Variants in SF3A1 observed in about 807,000 individuals in gnomAD.
SF3A1 encodes the protein SAP 114.
In SF3A1, 13 loss-of-function variants were observed where a neutral mutation model predicts 89.9. The observed-to-expected ratio is 0.14, with a 90% CI of 0.09 to 0.23. The LOEUF (loss-of-function observed/expected upper bound fraction) is 0.23, where lower values mean the gene tolerates loss of function less well. Among genes scored for constraint, SF3A1 ranks in the 10% least tolerant of loss-of-function variants. The probability of loss-of-function intolerance (pLI) is 1.00; values close to 1 mark genes in which losing one functional copy is unlikely to be tolerated. For missense variants in SF3A1, 604 were observed against 1,022.1 expected (o/e 0.59, Z 5.58); for synonymous variants, 405 against 374.4 (o/e 1.08, Z -0.94).
chr22:30,340,752 G>T lies in SF3A1; in HGVS notation c.1132C>A (p.Pro378Thr). The change falls in exon 8 of 16, where the codon CCA (proline) becomes ACA (threonine). Residue 378 changes from proline (P) to threonine (T), a missense_variant. Coordinates refer to ENST00000215793, the MANE Select transcript of SF3A1 (RefSeq NM_005877.6). ...VPPPPETPMP[P>T]PLPPTPDQVI... ...TGGTCTGGAGTTGGGGGCAGAGGTGGAGGCATGGGTGTCTCTGGGGGTGGG... is the reference window on the plus strand; with the variant it reads ...TGGTCTGGAGTTGGGGGCAGAGGTGTAGGCATGGGTGTCTCTGGGGGTGGG... 6.2e-7 allele frequency: 1 copy of T among 1,605,858 alleles called. No individual in the cohort carries two copies. Among genetic ancestry groups the T allele is most frequent in the African/African-American group, 1.3e-5 (1 of 74,350 alleles).
chr22:30,356,126 C>G (rs1931818767), intron 1 of SF3A1, among the ~76,000 whole-genome samples: 1 of 152,166 alleles, frequency 6.6e-6, no homozygotes, highest in Non-Finnish European at 1.5e-5. Context: ...CGGGCTGGCA[C>G]TGTATCATCG....
rs776793273 is a variant in SF3A1, at chr22:30,345,231, G to C, written c.394-41C>G. 3 of 1,583,338 alleles carry C rather than the reference G, an allele frequency of 1.9e-6. No individual in the cohort carries two copies. The East Asian group carries it at 6.8e-5, about 36-fold the overall frequency. On this transcript the variant is annotated intron_variant, in intron 3 of 15. Coordinates refer to ENST00000215793, the MANE Select transcript of SF3A1 (RefSeq NM_005877.6). ...AGTATGAGGCGAGAGGCACAGGGGT[G>C]AACAGGCTCCAGGGGAGGGGAGGGG...
At chr22:30,356,639 C>T (rs1931863476) in intron 1 of SF3A1, 91 bp downstream of exon 1, 13 of 1,036,094 alleles carry the variant, frequency 1.3e-5, no homozygotes, top group Non-Finnish European at 1.7e-5. Context: ...CCCTCCAAGC[C>T]CTTCATAGCG....
intron 2 of SF3A1, among the ~76,000 whole-genome samples, chr22:30,347,305 A>G (rs990161461): frequency 1.2e-4 from 19 of 152,142 alleles, no homozygotes; most frequent in African/African-American, 4.3e-4. Context: ...TTTAAGAAAC[A>G]AACAAACAAA....
intron 2 of SF3A1, among the ~76,000 whole-genome samples, chr22:30,351,158 G>A (rs1931581234): frequency 6.6e-6 from 1 of 152,196 alleles, no homozygotes; most frequent in Admixed American, 6.5e-5. Context: ...AATTACCTGG[G>A]CGTGGTGGCG....
chr22:30,333,488 A>C lies in SF3A1; in HGVS notation c.*1106T>G, dbSNP rs1930975134. The C allele has an allele frequency of 1.3e-5, 2 of 152,228 alleles. No individual in the cohort carries two copies. Among genetic ancestry groups the C allele is most frequent in the African/African-American group, 4.8e-5 (2 of 41,462 alleles). The allele number at this position is 152,228 out of a possible 1,614,324, so 9.4% of individuals were successfully genotyped here. ...AGGCTCTCACCTTCCTCCAACACCC[A>C]CAGCATTGCCTATCTCCCTGTGATA... On this transcript the variant is annotated 3_prime_UTR_variant, in exon 16 of 16. Coordinates refer to ENST00000215793, the MANE Select transcript of SF3A1 (RefSeq NM_005877.6).
At position 30,341,843 on chromosome 22, in the gene SF3A1, C is replaced by T. The variant is rs1158955579; in HGVS notation, c.920G>A (p.Arg307Gln). 1.2e-6 allele frequency: 2 copies of T among 1,613,748 alleles called. No individual in the cohort carries two copies. Among genetic ancestry groups the T allele is most frequent in the Admixed American group, 1.7e-5 (1 of 60,004 alleles). Reference sequence around the variant, plus strand: ...TTCATAGCGCTCCTGAATGAGGATTCGGGCCCCCAGCTCCTCTGGCGTGGT... The same window carrying T: ...TTCATAGCGCTCCTGAATGAGGATTTGGGCCCCCAGCTCCTCTGGCGTGGT... ...PPTTPEELGA[R>Q]ILIQERYEKF... The change falls in exon 7 of 16, where the codon CGA becomes CAA. Residue 307 changes from arginine to glutamine, a missense_variant. Coordinates refer to ENST00000215793, the MANE Select transcript of SF3A1 (RefSeq NM_005877.6).
chr22:30,344,451 T>C (rs1931356316), intron 4 of SF3A1, among the ~76,000 whole-genome samples: 1 of 152,236 alleles, frequency 6.6e-6, no homozygotes, highest in African/African-American at 2.4e-5. Context: ...GTGGTTTAAA[T>C]CTCAGCATAG....
intron 4 of SF3A1, among the ~76,000 whole-genome samples, chr22:30,344,533 G>A (rs140539249): frequency 6.6e-6 from 1 of 152,120 alleles, no homozygotes; most frequent in African/African-American, 2.4e-5. Flanking sequence ...TCAAACATGG[G>A]GGGAAAACAC....
chr22:30,349,447 A>C (rs1931519728), intron 2 of SF3A1, among the ~76,000 whole-genome samples: 1 of 151,908 alleles, frequency 6.6e-6, no homozygotes, highest in South Asian at 2.1e-4. Context: ...CACCTGGCTA[A>C]TTTTTTGTAT....
intron 1 of SF3A1, among the ~76,000 whole-genome samples, chr22:30,354,418 AT>A (rs1162447095): frequency 6.6e-6 from 1 of 152,078 alleles, no homozygotes; most frequent in East Asian, 1.9e-4. Flanking sequence ...CCTAGGCCCC[AT>A]TCTTGCCTGT....
At position 30,356,785 on chromosome 22, in the gene SF3A1, G is replaced by A. The variant is rs1221101179; in HGVS notation, c.8C>T (p.Ala3Val). The change falls in exon 1 of 16, where the codon GCC (alanine) becomes GTC (valine). Residue 3 changes from alanine (A) to valine (V), a missense_variant. Physicochemically the swap from Ala to Val is moderately conservative, Grantham distance 64. Coordinates refer to ENST00000215793, the MANE Select transcript of SF3A1 (RefSeq NM_005877.6). Reference sequence around the variant, plus strand: ...CGGGGGCACCGCCTGCACGGGTCCGGCCGGCATGACTGCGACGCTCAGGGC... The same window carrying A: ...CGGGGGCACCGCCTGCACGGGTCCGACCGGCATGACTGCGACGCTCAGGGC... MP[A>V]GPVQAVPPPP... 3 of 1,425,800 alleles carry A rather than the reference G, an allele frequency of 2.1e-6. No homozygotes were observed. The highest frequency in any genetic ancestry group is 2.6e-5 in the Admixed American group (1 of 39,036). The allele number at this position is 1,425,800 out of a possible 1,614,324, so 88.3% of individuals were successfully genotyped here.
In SF3A1 at chr22:30,334,231, GATTA is replaced by G. The variant is rs1930997696; in HGVS notation, c.*359_*362del. The G allele has an allele frequency of 1.1e-5, 2 of 179,738 alleles. No homozygotes were observed. The highest frequency in any genetic ancestry group is 1.3e-4 in the Admixed American group (2 of 15,568). The allele number at this position is 179,738 out of a possible 1,614,324, so 11.1% of individuals were successfully genotyped here. On this transcript the variant is annotated 3_prime_UTR_variant, in exon 16 of 16. Coordinates refer to ENST00000215793, the MANE Select transcript of SF3A1 (RefSeq NM_005877.6). Reference sequence around the variant, plus strand: ...GACAACCCATGTCAAGGTACAAAATGATTAATGACAATATCAGCCATATTCTATT... The same window carrying G: ...GACAACCCATGTCAAGGTACAAAATGATGACAATATCAGCCATATTCTATT...
At chr22:30,346,282 CG>C (rs1243339391) in intron 3 of SF3A1, 29 bp downstream of exon 3, 1 of 1,442,666 alleles carries the variant, frequency 6.9e-7, no homozygotes, top group African/African-American at 1.4e-5. Context: ...TCAAGCCCTG[CG>C]TAAGTGAAGG....
rs563660811 is a variant in SF3A1, at chr22:30,343,505, C to T, written c.652-626G>A. Among the ~76,000 whole-genome samples, 426 of 152,342 alleles carry T rather than the reference C, an allele frequency of 2.8e-3. 1 individual carries two copies. The highest frequency in any genetic ancestry group is 4.9e-3 in the Non-Finnish European group (335 of 68,036). On this transcript the variant is annotated intron_variant, in intron 4 of 15. Transcript: ENST00000215793. ...TTGTTCTAAACAGCCCCAACAGCTT[C>T]TACTGCCACTGGCAAAGTGGCTCGG...
intron 14 of SF3A1, 32 bp downstream of exon 14, chr22:30,335,620 C>T: frequency 1.2e-6 from 2 of 1,612,630 alleles, no homozygotes; most frequent in South Asian, 1.1e-5. Context: ...GGTTCCCATG[C>T]ACCTGATGCC....
intron 2 of SF3A1, among the ~76,000 whole-genome samples, chr22:30,349,483 T>C (rs946648320): frequency 2.0e-5 from 3 of 152,158 alleles, no homozygotes; most frequent in Non-Finnish European, 4.4e-5. Context: ...GGTTTCACTA[T>C]GCTGGCCAGG....
chr22:30,355,629 C>T (rs369949773), intron 1 of SF3A1, among the ~76,000 whole-genome samples: 1 of 152,224 alleles, frequency 6.6e-6, no homozygotes, highest in African/African-American at 2.4e-5. Context: ...CCTGCCACTA[C>T]GCTCCTAAGT....
rs774689787 is a variant in SF3A1, at chr22:30,341,735, G to C, written c.1028C>G (p.Pro343Arg). Residue 343 changes from proline (P) to arginine (R), a missense_variant, in exon 7 of 16, where the codon CCT (proline) becomes CGT (arginine). Coordinates refer to ENST00000215793, the MANE Select transcript of SF3A1 (RefSeq NM_005877.6). Reference protein sequence around the residue: ...DDKQEKAEEPPSQLDQDTQVQ... With the variant: ...DDKQEKAEEPRSQLDQDTQVQ... ...TTGGGTGTCCTGGTCCAGCTGGGAA[G>C]GAGGCTCCTCCGCCTTCTCCTGTTT... The C allele has an allele frequency of 6.2e-7, 1 of 1,614,136 alleles. No homozygotes were observed. Among genetic ancestry groups the C allele is most frequent in the South Asian group, 1.1e-5 (1 of 91,082 alleles).
Sources: gnomAD v4.1 joint callset for allele counts (sites outside exome capture counted in the v4.1 genomes callset) on GRCh38, gnomAD v4.1.1 for gene constraint, MANE v1.5 for transcripts, NCBI Gene and HGNC (gene_info 2026-07-23, HGNC 2026-07-21) for gene names.